The following NRG1 variants were observed in gnomAD, a reference collection of about 807,000 sequenced individuals.
NRG1 encodes the protein neuregulin 1, also known as pro-neuregulin-1, membrane-bound isoform.
A neutral mutation model predicts 63.8 loss-of-function variants in NRG1; 18 were observed. That is an observed-to-expected ratio of 0.28 (90% CI 0.19 to 0.42). The LOEUF is 0.42. NRG1 is among the 10% of genes least tolerant of loss of function. The probability of loss-of-function intolerance (pLI) is 1.00; values close to 1 mark genes in which losing one functional copy is unlikely to be tolerated. For missense variants in NRG1, 762 were observed against 814.7 expected, an observed-to-expected ratio of 0.94 and a Z score of 0.79; for synonymous variants, 302 against 301.3, an observed-to-expected ratio of 1.00 and a Z score of -0.02.
chr8:32,340,893 C>T (rs997372059), intron 1 of NRG1, among the ~76,000 whole-genome samples: 3 of 152,176 alleles, frequency 2.0e-5, no homozygotes, highest in African/African-American at 7.2e-5. Flanking sequence ...TTTTTATGCA[C>T]TGCCTGTTGC....
intron 1 of NRG1, among the ~76,000 whole-genome samples, chr8:32,176,414 T>C (rs1840735391): frequency 6.6e-6 from 1 of 152,182 alleles, no homozygotes; most frequent in Admixed American, 6.6e-5. Flanking sequence ...GACATAGGCA[T>C]GGACAAGGAC....
chr8:32,510,801 AGG>A (rs559437857), intron 1 of NRG1, among the ~76,000 whole-genome samples: 38 of 152,112 alleles, frequency 2.5e-4, no homozygotes, highest in Non-Finnish European at 4.6e-4. Flanking sequence ...TCTCTAGTCC[AGG>A]CCATACCCTG....
At chr8:32,704,239 G>T (rs1815736099) in intron 5 of NRG1, among the ~76,000 whole-genome samples, 1 of 152,320 alleles carries the variant, frequency 6.6e-6, no homozygotes, top group East Asian at 1.9e-4. Flanking sequence ...TAAGTAAAAA[G>T]TGTGACCACT....
intron 1 of NRG1, among the ~76,000 whole-genome samples, chr8:31,823,745 A>T (rs144548365): frequency 6.8e-4 from 104 of 152,346 alleles, no homozygotes; most frequent in Non-Finnish European, 1.2e-3. Flanking sequence ...TGGAAAGAAA[A>T]GTAACTTTGA....
intron 1 of NRG1, among the ~76,000 whole-genome samples, chr8:32,397,720 C>T (rs116793252): frequency 0.013 from 1,917 of 152,154 alleles, 41 homozygotes; most frequent in African/African-American, 0.038. Flanking sequence ...ATGTGTATTC[C>T]GGTTCTGAAA....
At chr8:32,239,242 A>T (rs1847867785) in intron 1 of NRG1, among the ~76,000 whole-genome samples, 2 of 151,396 alleles carry the variant, frequency 1.3e-5, no homozygotes, top group South Asian at 4.2e-4. Flanking sequence ...TTGACAAAAA[A>T]TGCAAAAGTA....
chr8:32,559,256 A>AAAAAAAAAAATAAAAAAT (rs1393676483), intron 1 of NRG1, among the ~76,000 whole-genome samples: 1 of 150,448 alleles, frequency 6.6e-6, no homozygotes, highest in Non-Finnish European at 1.5e-5. Flanking sequence ...AAAAAAAAAA[A>AAAAAAAAAAATAAAAAAT]AAAAAAATCA....
At chr8:31,761,888 A>G (rs1480910722) in intron 1 of NRG1, among the ~76,000 whole-genome samples, 2 of 152,208 alleles carry the variant, frequency 1.3e-5, no homozygotes, top group Non-Finnish European at 2.9e-5. Flanking sequence ...AAGATTTAAT[A>G]GGTAAAAAAT....
intron 1 of NRG1, among the ~76,000 whole-genome samples, chr8:32,299,874 T>C (rs1339800125): frequency 6.6e-6 from 1 of 152,166 alleles, no homozygotes; most frequent in East Asian, 1.9e-4. Flanking sequence ...GTGTGGATTA[T>C]GGGAGCTGGA....
chr8:32,150,705 C>T (rs1837409947), intron 1 of NRG1, among the ~76,000 whole-genome samples: 1 of 152,144 alleles, frequency 6.6e-6, no homozygotes, highest in Non-Finnish European at 1.5e-5. Flanking sequence ...GACCCCTGGC[C>T]CACAGGCTCC....
At chr8:32,244,636 GT>G (rs949181739) in intron 1 of NRG1, among the ~76,000 whole-genome samples, 2 of 152,160 alleles carry the variant, frequency 1.3e-5, no homozygotes, top group African/African-American at 4.8e-5. Context: ...AACATTTTCA[GT>G]CCCCACTTCT....
intron 1 of NRG1, among the ~76,000 whole-genome samples, chr8:32,273,310 C>A (rs1851740662): frequency 6.6e-6 from 1 of 152,092 alleles, no homozygotes; most frequent in Admixed American, 6.6e-5. Flanking sequence ...CAACCCCCTC[C>A]CGACTTTTGG....
chr8:31,932,730 G>A (rs1348686848), intron 1 of NRG1, among the ~76,000 whole-genome samples: 3 of 152,190 alleles, frequency 2.0e-5, no homozygotes. Flanking sequence ...GAGAGCACAT[G>A]GGTGAGATCA....
At chr8:31,949,752 G>A (rs1011969047) in intron 1 of NRG1, among the ~76,000 whole-genome samples, 2 of 152,120 alleles carry the variant, frequency 1.3e-5, no homozygotes, top group African/African-American at 4.8e-5. Context: ...GTACATTATT[G>A]GCAGTCTCAT....
chr8:31,714,142 C>T (rs567398277), intron 1 of NRG1, among the ~76,000 whole-genome samples: 24 of 152,240 alleles, frequency 1.6e-4, no homozygotes, highest in African/African-American at 5.3e-4. Context: ...ACTATGTATG[C>T]TTGGAAGTGT....
chr8:32,236,173 TG>T (rs1014778327), intron 1 of NRG1, among the ~76,000 whole-genome samples: 2 of 151,820 alleles, frequency 1.3e-5, no homozygotes, highest in African/African-American at 4.8e-5. Flanking sequence ...GTTTGTTTTT[TG>T]TTTTTCTGAA....
chr8:32,221,356 T>C (rs1845797460), intron 1 of NRG1, among the ~76,000 whole-genome samples: 1 of 152,164 alleles, frequency 6.6e-6, no homozygotes, highest in East Asian at 1.9e-4. Context: ...CGCTTCGTTT[T>C]CCCTCTAATC....
At chr8:31,639,396 T>C in exon 1 of NRG1, 1 of 1,534,606 alleles carries the variant, frequency 6.5e-7, no homozygotes, top group Non-Finnish European at 8.7e-7. Flanking sequence ...GGCAGCAGCA[T>C]GGGGAAAGGA....
chr8:31,887,046 G>A (rs1033386657), intron 1 of NRG1, among the ~76,000 whole-genome samples: 2 of 151,996 alleles, frequency 1.3e-5, no homozygotes, highest in East Asian at 3.9e-4. Context: ...AGGTTTTCTT[G>A]GGTTTAGATC....
Sources: allele counts gnomAD v4.1 joint callset (sites outside exome capture counted in the v4.1 genomes callset), GRCh38; gene constraint gnomAD v4.1.1; transcripts MANE v1.5; gene names NCBI Gene and HGNC (gene_info 2026-07-23, HGNC 2026-07-21).